The following TXNRD1 variants were observed in gnomAD, a reference collection of about 807,000 sequenced individuals.
TXNRD1 encodes thioredoxin reductase 1.
A neutral mutation model predicts 80.3 loss-of-function variants in TXNRD1; 57 were observed. The observed-to-expected ratio is 0.71, with a 90% CI of 0.57 to 0.89. The LOEUF (loss-of-function observed/expected upper bound fraction) is 0.89. Ranked by LOEUF, TXNRD1 falls within the 40% of genes least tolerant of loss-of-function variation. The pLI is 0.00. For missense variants in TXNRD1, 730 were observed against 803.0 expected, an observed-to-expected ratio of 0.91 and a Z score of 1.10; for synonymous variants, 291 against 285.2, an observed-to-expected ratio of 1.02 and a Z score of -0.20.
chr12:104,301,824 C>T (rs1376395825), intron 4 of TXNRD1, among the ~76,000 whole-genome samples: 2 of 152,206 alleles, frequency 1.3e-5, no homozygotes, highest in African/African-American at 2.4e-5. Context: ...GATCCTGGGT[C>T]TCAACTTACC....
intron 4 of TXNRD1, chr12:104,310,051 A>T: frequency 6.5e-7 from 1 of 1,535,354 alleles, no homozygotes; most frequent in Non-Finnish European, 8.7e-7. Context: ...TCTGCCTTTC[A>T]CCCCCTACAT....
At chr12:104,291,396 T>G (rs944260663) in intron 4 of TXNRD1, among the ~76,000 whole-genome samples, 4 of 150,992 alleles carry the variant, frequency 2.6e-5, no homozygotes, top group African/African-American at 9.8e-5. Context: ...AGATGGGGTT[T>G]CACCATGTTG....
chr12:104,334,733 C>T (rs1174572939), intron 15 of TXNRD1, among the ~76,000 whole-genome samples: 3 of 152,156 alleles, frequency 2.0e-5, no homozygotes, highest in Admixed American at 6.6e-5. Flanking sequence ...CAGTATTTCG[C>T]GTGCCAGTTG....
chr12:104,249,513 G>A (rs552265540), intron 1 of TXNRD1, among the ~76,000 whole-genome samples: 10 of 152,162 alleles, frequency 6.6e-5, no homozygotes, highest in African/African-American at 2.4e-4. Context: ...CTTGGTTGTT[G>A]ACCCTGTCTT....
chr12:104,326,310 TTTG>T, intron 11 of TXNRD1, 34 bp from the exon 12 acceptor site: 1 of 1,400,282 alleles, frequency 7.1e-7, no homozygotes, highest in South Asian at 1.4e-5. Flanking sequence ...GCAAAGCCTT[TTTG>T]TTATTAGTCA....
At chr12:104,224,327 T>G (rs1370584529) in intron 1 of TXNRD1, among the ~76,000 whole-genome samples, 2 of 152,128 alleles carry the variant, frequency 1.3e-5, no homozygotes, top group Non-Finnish European at 2.9e-5. Flanking sequence ...TTGTAGGACA[T>G]ATAGTGTATT....
intron 4 of TXNRD1, chr12:104,304,089 G>A (rs370679571): frequency 2.5e-6 from 4 of 1,613,938 alleles, no homozygotes; most frequent in East Asian, 2.2e-5. Flanking sequence ...TACTGCGTGC[G>A]GCAGAACCGG....
chr12:104,280,062 CAAAAAAA>C (rs34627940), intron 3 of TXNRD1, among the ~76,000 whole-genome samples: 2 of 84,618 alleles, frequency 2.4e-5, no homozygotes, highest in African/African-American at 9.3e-5. Flanking sequence ...GACTCTGTCT[CAAAAAAA>C]AAAAAAAAAA....
At chr12:104,333,879 A>G (rs1444559232) in intron 14 of TXNRD1, among the ~76,000 whole-genome samples, 1 of 152,228 alleles carries the variant, frequency 6.6e-6, no homozygotes, top group Non-Finnish European at 1.5e-5. Context: ...CCAAGTTGTC[A>G]TTCACAGTGG....
intron 3 of TXNRD1, among the ~76,000 whole-genome samples, chr12:104,274,510 A>G (rs1220353041): frequency 6.6e-6 from 1 of 152,026 alleles, no homozygotes; most frequent in Non-Finnish European, 1.5e-5. Flanking sequence ...AGCCTGGGCA[A>G]CACGGTGAAA....
At chr12:104,310,028 G>C in intron 4 of TXNRD1, 1 of 1,536,144 alleles carries the variant, frequency 6.5e-7, no homozygotes, top group Non-Finnish European at 8.7e-7. Flanking sequence ...TTCTTCTTCC[G>C]CTGACCCCAA....
intron 15 of TXNRD1, among the ~76,000 whole-genome samples, chr12:104,336,880 A>AG (rs1481568985): frequency 1.3e-5 from 2 of 152,202 alleles, no homozygotes; most frequent in Non-Finnish European, 2.9e-5. Context: ...TCATTTACCT[A>AG]GGGAAGGGCA....
intron 3 of TXNRD1, 57 bp from the exon 4 acceptor site, chr12:104,288,874 G>T (rs751360834): frequency 1.9e-6 from 3 of 1,613,316 alleles, no homozygotes; most frequent in African/African-American, 1.3e-5. Flanking sequence ...CGCAGTTCCC[G>T]CCTGTTAGCG....
chr12:104,343,180 C>A (rs2036381959), intron 16 of TXNRD1, among the ~76,000 whole-genome samples: 1 of 152,070 alleles, frequency 6.6e-6, no homozygotes, highest in African/African-American at 2.4e-5. Flanking sequence ...GCGGTGGATG[C>A]GGTAGTATAT....
chr12:104,343,507 A>G (rs1475131827), intron 16 of TXNRD1, among the ~76,000 whole-genome samples: 1 of 152,142 alleles, frequency 6.6e-6, no homozygotes, highest in African/African-American at 2.4e-5. Flanking sequence ...TCCACATTAA[A>G]TAAAGTAAGA....
At chr12:104,336,463 C>A (rs1299281929) in intron 15 of TXNRD1, among the ~76,000 whole-genome samples, 1 of 152,156 alleles carries the variant, frequency 6.6e-6, no homozygotes, top group Admixed American at 6.5e-5. Context: ...GTGCTTTATT[C>A]ATTTTGAATC....
intron 1 of TXNRD1, among the ~76,000 whole-genome samples, chr12:104,246,785 T>G (rs994629812): frequency 1.3e-5 from 2 of 152,088 alleles, no homozygotes; most frequent in Admixed American, 6.6e-5. Flanking sequence ...TCTCCCAAAG[T>G]GCTGGGATTA....
chr12:104,254,652 T>A (rs200083530), intron 2 of TXNRD1, among the ~76,000 whole-genome samples: 14,023 of 47,962 alleles, frequency 0.29, 1,195 homozygotes, highest in East Asian at 0.53. Context: ...AAAATATATA[T>A]ATATATATAT....
At chr12:104,304,811 G>A (rs1318193317) in intron 4 of TXNRD1, 3 of 1,613,920 alleles carry the variant, frequency 1.9e-6, no homozygotes, top group Non-Finnish European at 2.5e-6. Flanking sequence ...CCAAATGGGT[G>A]AGGGAAATGA....
Sources: gnomAD v4.1 joint callset for allele counts (sites outside exome capture counted in the v4.1 genomes callset) on GRCh38, gnomAD v4.1.1 for gene constraint, MANE v1.5 for transcripts, NCBI Gene and HGNC (gene_info 2026-07-23, HGNC 2026-07-21) for gene names.